MCPH1: variants seen among roughly 807,000 people sequenced by gnomAD.
MCPH1 encodes the protein microcephalin.
A neutral mutation model predicts 84.5 loss-of-function variants in MCPH1; 104 were observed. That is an observed-to-expected ratio of 1.23 (90% confidence interval 1.05 to 1.45). The LOEUF is 1.45. Among genes scored for constraint, MCPH1 ranks in the 40% most tolerant of loss-of-function variants. The probability of loss-of-function intolerance (pLI) is 0.00; values close to 1 mark genes in which losing one functional copy is unlikely to be tolerated. For missense variants in MCPH1, 1,498 were observed against 1,005.7 expected (o/e 1.49, Z -6.62); for synonymous variants, 514 against 366.8 (o/e 1.40, Z -4.58).
intron 13 of MCPH1, 42 bp from the exon 14 acceptor site, chr8:6,642,952 T>A (rs952818766): frequency 1.3e-6 from 2 of 1,574,886 alleles, no homozygotes; most frequent in East Asian, 4.5e-5. Context: ...CCTATGTGGC[T>A]GGCTATTATG....
intron 1 of MCPH1, among the ~76,000 whole-genome samples, chr8:6,408,749 G>C (rs1008160240): frequency 7.9e-5 from 12 of 151,958 alleles, no homozygotes; most frequent in Non-Finnish European, 1.5e-4. Context: ...TTTTTTTAGA[G>C]ACAGGGTTTC....
chr8:6,452,063 C>G (rs140700323), intron 8 of MCPH1, among the ~76,000 whole-genome samples: 1 of 152,164 alleles, frequency 6.6e-6, no homozygotes, highest in Non-Finnish European at 1.5e-5. Flanking sequence ...TTGACACAAG[C>G]CAAGTTTCTC....
At position 6,643,119 on chromosome 8, in the gene MCPH1, A is replaced by G; in HGVS notation, c.*70A>G. The G allele has an allele frequency of 7.5e-7, 1 of 1,339,260 alleles. No homozygotes were observed. The highest frequency in any genetic ancestry group is 1.7e-5 in the Admixed American group (1 of 58,704). The allele number at this position is 1,339,260 out of a possible 1,614,324, so 83.0% of individuals were successfully genotyped here. On this transcript the variant is annotated 3_prime_UTR_variant, in exon 14 of 14. Coordinates refer to ENST00000344683, the MANE Select transcript of MCPH1 (RefSeq NM_024596.5). ...CTGTCTTTGGATGTTCAAATGAGAA[A>G]CAAAACTGTGAAGAGAAGGAACTGG...
chr8:6,502,442 T>G lies in MCPH1; in HGVS notation c.2214+2513T>G, dbSNP rs557539275. 3 of 152,330 alleles carry G rather than the reference T, an allele frequency of 2.0e-5. No individual in the cohort carries two copies. In the East Asian group the frequency reaches 5.8e-4, roughly 29 times the overall value. 9.4% of individuals were successfully genotyped at this position (152,330 alleles called of 1,614,324 possible). On this transcript the variant is annotated intron_variant, in intron 12 of 13. Coordinates refer to ENST00000344683, the MANE Select transcript of MCPH1 (RefSeq NM_024596.5). Reference sequence around the variant, plus strand: ...TCTGGAAGTTTCTACCATATAAATTTGAAATACGTATTTGAGCATTAACTT... The same window carrying G: ...TCTGGAAGTTTCTACCATATAAATTGGAAATACGTATTTGAGCATTAACTT...
At chr8:6,537,545 C>CAT (rs35477464) in intron 12 of MCPH1, among the ~76,000 whole-genome samples, 18,074 of 148,924 alleles carry the variant, frequency 0.12, 1,117 homozygotes, top group Non-Finnish European at 0.15. Flanking sequence ...TTTAATGCAA[C>CAT]ATATATATAT....
intron 3 of MCPH1, among the ~76,000 whole-genome samples, chr8:6,422,169 A>G (rs1800302033): frequency 6.6e-6 from 1 of 152,244 alleles, no homozygotes; most frequent in South Asian, 2.1e-4. Flanking sequence ...GTGGATTCCA[A>G]GAGCAGCTAC....
rs192490159 is a variant in MCPH1 at position 6,642,866 on chromosome 8, G to A, written c.2453-128G>A. On this transcript the variant is annotated intron_variant, in intron 13 of 13. Coordinates refer to ENST00000344683, the MANE Select transcript of MCPH1 (RefSeq NM_024596.5). ...TATGTGTGCTCTATGGACGTGGGGGGGCCTATGGACAACACAGCTCTTGGC... is the reference window on the plus strand; with the variant it reads ...TATGTGTGCTCTATGGACGTGGGGGAGCCTATGGACAACACAGCTCTTGGC... 346 of 800,418 alleles carry A rather than the reference G, an allele frequency of 4.3e-4. No homozygotes were observed. The African/African-American group carries it at 4.8e-3, about 11-fold the overall frequency. 49.6% of individuals were successfully genotyped at this position (800,418 alleles called of 1,614,324 possible).
chr8:6,613,241 G>A (rs1376787453), intron 12 of MCPH1, among the ~76,000 whole-genome samples: 3 of 152,220 alleles, frequency 2.0e-5, no homozygotes, highest in Non-Finnish European at 2.9e-5. Flanking sequence ...CCAGGCAGAC[G>A]GGAATGGCCA....
At chr8:6,619,935 G>C (rs1831237804) in intron 12 of MCPH1, among the ~76,000 whole-genome samples, 1 of 152,198 alleles carries the variant, frequency 6.6e-6, no homozygotes, top group Non-Finnish European at 1.5e-5. Context: ...ACTTTAAAAT[G>C]AAAGATACTC....
At chr8:6,492,210 C>T (rs907632646) in intron 11 of MCPH1, among the ~76,000 whole-genome samples, 10 of 152,328 alleles carry the variant, frequency 6.6e-5, no homozygotes, top group Non-Finnish European at 1.0e-4. Flanking sequence ...TTTTAATTTG[C>T]ATTTCTCTGA....
chr8:6,519,595 AG>A (rs1816919734), intron 12 of MCPH1, among the ~76,000 whole-genome samples: 1 of 152,232 alleles, frequency 6.6e-6, no homozygotes, highest in Admixed American at 6.5e-5. Context: ...GCATTATTCA[AG>A]CAAAATGCAA....
intron 9 of MCPH1, chr8:6,477,205 A>T (rs1057027723): frequency 4.9e-6 from 1 of 203,600 alleles, no homozygotes; most frequent in African/African-American, 2.4e-5. Context: ...AATGAGAATG[A>T]GGCTGCCTAG....
At chr8:6,574,561 T>G (rs1365745993) in intron 12 of MCPH1, among the ~76,000 whole-genome samples, 2 of 152,144 alleles carry the variant, frequency 1.3e-5, no homozygotes, top group Non-Finnish European at 2.9e-5. Context: ...AAAGTAAAAT[T>G]TTGAAAACAC....
chr8:6,585,984 A>G (rs1006444004), intron 12 of MCPH1, among the ~76,000 whole-genome samples: 5 of 152,216 alleles, frequency 3.3e-5, no homozygotes, highest in African/African-American at 9.6e-5. Context: ...TTTTTGAGCT[A>G]GGGTCTCACT....
At chr8:6,517,492 G>A (rs1816488140) in intron 12 of MCPH1, among the ~76,000 whole-genome samples, 1 of 152,212 alleles carries the variant, frequency 6.6e-6, no homozygotes, top group African/African-American at 2.4e-5. Context: ...CAAAACTAAA[G>A]CTGCAGTATT....
chr8:6,558,885 A>G (rs1825070280), intron 12 of MCPH1, among the ~76,000 whole-genome samples: 1 of 152,184 alleles, frequency 6.6e-6, no homozygotes, highest in African/African-American at 2.4e-5. Context: ...GGCACATATC[A>G]TACTATACAT....
At chr8:6,521,119 T>C in intron 12 of MCPH1, 1 of 1,403,228 alleles carries the variant, frequency 7.1e-7, no homozygotes, top group Non-Finnish European at 9.8e-7. Context: ...TTTAGTCTTT[T>C]GAGTGTTTTA....
At chr8:6,542,222 C>G (rs1252479848) in intron 12 of MCPH1, among the ~76,000 whole-genome samples, 2 of 151,812 alleles carry the variant, frequency 1.3e-5, no homozygotes. Context: ...TTTTCTATGC[C>G]AAATAGAATC....
chr8:6,466,208 C>G (rs1240477322), intron 9 of MCPH1, among the ~76,000 whole-genome samples: 1 of 148,218 alleles, frequency 6.7e-6, no homozygotes, highest in East Asian at 2.0e-4. Flanking sequence ...GCGATCTTTG[C>G]TCATTGCAAC....
Sources: gnomAD v4.1 joint callset for allele counts (sites outside exome capture counted in the v4.1 genomes callset) on GRCh38, gnomAD v4.1.1 for gene constraint, MANE v1.5 for transcripts, NCBI Gene and HGNC (gene_info 2026-07-23, HGNC 2026-07-21) for gene names.